MDN1: variants seen among roughly 807,000 people sequenced by gnomAD.
MDN1 encodes midasin.
A neutral mutation model predicts 669.2 loss-of-function variants in MDN1; 266 were observed. The observed-to-expected ratio is 0.40, with a 90% CI of 0.36 to 0.44. MDN1 has a LOEUF of 0.44. Ranked by LOEUF, MDN1 falls within the 20% of genes least tolerant of loss-of-function variation. The pLI, the probability that MDN1 is intolerant of heterozygous loss-of-function variation, is 1.00. For missense variants in MDN1, 5,940 were observed against 6,754.0 expected (o/e 0.88, Z 4.22); for synonymous variants, 2,385 against 2,457.1 (o/e 0.97, Z 0.87).
intron 2 of MDN1, among the ~76,000 whole-genome samples, chr6:89,800,707 CTGAT>C (rs1289593439): frequency 3.3e-5 from 5 of 152,234 alleles, no homozygotes; most frequent in Admixed American, 2.0e-4. Flanking sequence ...AAGGAAGTCT[CTGAT>C]TGATAGCCTT....
intron 65 of MDN1, 54 bp downstream of exon 65, chr6:89,689,816 C>CTATT (rs1812257403): frequency 6.4e-7 from 1 of 1,557,394 alleles, no homozygotes; most frequent in Non-Finnish European, 8.8e-7. Context: ...GCAACAGCAT[C>CTATT]TATTTGCATT....
intron 31 of MDN1, 64 bp from the exon 32 acceptor site, chr6:89,740,442 A>G: frequency 6.3e-6 from 9 of 1,434,500 alleles, no homozygotes; most frequent in Non-Finnish European, 8.4e-6. Flanking sequence ...ACAATCTTCA[A>G]TGCTCTTTAA....
chr6:89,658,821 C>G lies in MDN1; in HGVS notation c.14810G>C (p.Ser4937Thr). 1.9e-6 allele frequency: 3 copies of G among 1,614,180 alleles called. No homozygotes were observed. Among genetic ancestry groups the G allele is most frequent in the Non-Finnish European group, 2.5e-6 (3 of 1,180,016 alleles). ...ETETDQNESQ[S>T]PQEPEEGPSE... Reference sequence around the variant, plus strand: ...GGGGCCTTCCTCAGGCTCCTGTGGACTCTGACTTTCGTTCTGGTCGGTCTC... The same window carrying G: ...GGGGCCTTCCTCAGGCTCCTGTGGAGTCTGACTTTCGTTCTGGTCGGTCTC... The change falls in exon 89 of 102, where the codon AGT becomes ACT. Residue 4937 changes from serine (S) to threonine (T), a missense_variant. By Grantham distance (58) the Ser-to-Thr change is moderately conservative. Coordinates refer to ENST00000369393, the MANE Select transcript of MDN1 (RefSeq NM_014611.3).
chr6:89,761,606 T>C (rs1028183045), intron 17 of MDN1, 39 bp downstream of exon 17: 1 of 1,418,820 alleles, frequency 7.0e-7, no homozygotes, highest in Non-Finnish European at 9.8e-7. Flanking sequence ...TTGCATAAAA[T>C]CAACGTTCCC....
At chr6:89,685,629 G>A (rs1294534832) in intron 70 of MDN1, among the ~76,000 whole-genome samples, 198 bp downstream of exon 70, 1 of 152,220 alleles carries the variant, frequency 6.6e-6, no homozygotes, top group Non-Finnish European at 1.5e-5. Flanking sequence ...GAGCTCACTA[G>A]TCAGTACTAA....
chr6:89,654,033 T>C (rs1227390161), intron 93 of MDN1, 131 bp downstream of exon 93: 6 of 1,063,054 alleles, frequency 5.6e-6, no homozygotes, highest in African/African-American at 1.6e-5. Context: ...GTGAAATTAT[T>C]ATAGGCAATT....
chr6:89,687,984 A>G, intron 67 of MDN1, 94 bp downstream of exon 67: 1 of 1,127,722 alleles, frequency 8.9e-7, no homozygotes, highest in Non-Finnish European at 1.3e-6. Flanking sequence ...TCTAGCCCAA[A>G]CTATAATTTT....
At chr6:89,663,004 A>T (rs1331726647) in intron 85 of MDN1, 37 bp from the exon 86 acceptor site, 1 of 1,611,944 alleles carries the variant, frequency 6.2e-7, no homozygotes, top group East Asian at 2.2e-5. Flanking sequence ...CAGATCTCCA[A>T]ACTGACCCAG....
intron 99 of MDN1, 122 bp downstream of exon 99, chr6:89,647,910 G>A (rs538152450): frequency 4.7e-5 from 34 of 729,110 alleles, no homozygotes; most frequent in Middle Eastern, 3.5e-4. Context: ...CTATGATGGC[G>A]CCATTGTACT....
chr6:89,702,113 A>G, intron 53 of MDN1, 52 bp from the exon 54 acceptor site: 1 of 1,531,016 alleles, frequency 6.5e-7, no homozygotes, highest in Admixed American at 2.2e-5. Flanking sequence ...CTAAAGCAAG[A>G]AGAAAAATAA....
At chr6:89,671,196 C>A in intron 82 of MDN1, 116 bp from the exon 83 acceptor site, 1 of 1,131,006 alleles carries the variant, frequency 8.8e-7, no homozygotes, top group South Asian at 1.6e-5. Flanking sequence ...CTAAATAGTA[C>A]TAATGGCAAG....
chr6:89,699,787 G>T, intron 57 of MDN1, 60 bp from the exon 58 acceptor site: 1 of 1,555,246 alleles, frequency 6.4e-7, no homozygotes, highest in Non-Finnish European at 8.8e-7. Flanking sequence ...CTACTGGAAA[G>T]CTGCTACATT....
At chr6:89,740,167 A>T in intron 32 of MDN1, 67 bp downstream of exon 32, 1 of 1,545,368 alleles carries the variant, frequency 6.5e-7, no homozygotes. Context: ...ATTACATACT[A>T]TATTTACGAG....
rs981155017 is a variant in MDN1 at position 89,803,384 on chromosome 6, A to G, written c.273T>C (p.His91=). ...TGCTCATCGACACACATAGCCGTTC[A>G]TGCAGATCATGGTTGATTTGGCCTC... ...KAGGQINHDL[H]ERLCVSMSKL... The change falls in exon 2 of 102, where the codon CAT becomes CAC. Residue 91 remains histidine, a synonymous_variant. Coordinates refer to ENST00000369393, the MANE Select transcript of MDN1 (RefSeq NM_014611.3). 3.1e-6 allele frequency: 5 copies of G among 1,614,026 alleles called. No homozygotes were observed. The African/African-American group carries it at 4.0e-5, about 13-fold the overall frequency.
intron 33 of MDN1, among the ~76,000 whole-genome samples, chr6:89,735,547 C>A (rs2128316025): frequency 6.6e-6 from 1 of 151,878 alleles, no homozygotes; most frequent in Admixed American, 6.6e-5. Context: ...CTTTTAGAAT[C>A]TTTTGTTTTG....
At position 89,761,577 on chromosome 6, in the gene MDN1, AC is replaced by A; in HGVS notation, c.2460+67del. The A allele has an allele frequency of 4.3e-6, 5 of 1,163,458 alleles. No individual in the cohort carries two copies. The South Asian group carries it at 7.2e-5, about 17-fold the overall frequency. The allele number at this position is 1,163,458 out of a possible 1,614,324, so 72.1% of individuals were successfully genotyped here. A position where few individuals can be genotyped will look rare whatever the true frequency, so the allele number is the denominator to read the frequency against. On this transcript the variant is annotated intron_variant, in intron 17 of 101. Transcript: ENST00000369393. ...TTCATTAAGACAATACAAAATAGTA[AC>A]CTGCCTGAAACATTGTTTTGCATAA...
intron 23 of MDN1, 42 bp downstream of exon 23, chr6:89,751,389 G>T: frequency 1.2e-6 from 2 of 1,611,624 alleles, no homozygotes; most frequent in Non-Finnish European, 1.7e-6. Context: ...CAATGCCTAT[G>T]CCTGTATCAA....
chr6:89,769,860 TCA>T (rs895343215), intron 15 of MDN1, among the ~76,000 whole-genome samples: 1 of 152,180 alleles, frequency 6.6e-6, no homozygotes, highest in African/African-American at 2.4e-5. Context: ...CAGTCCATGT[TCA>T]GTTAGTACAA....
chr6:89,745,221 A>T (rs567602772), intron 29 of MDN1, 52 bp downstream of exon 29: 2 of 1,603,416 alleles, frequency 1.2e-6, no homozygotes, highest in East Asian at 4.5e-5. Flanking sequence ...TAACTCAAGT[A>T]ATCCTATGGA....
Sources: allele counts gnomAD v4.1 joint callset (sites outside exome capture counted in the v4.1 genomes callset), GRCh38; gene constraint gnomAD v4.1.1; transcripts MANE v1.5; gene names NCBI Gene and HGNC (gene_info 2026-07-23, HGNC 2026-07-21).